The following CALY variants were observed in gnomAD, a reference collection of about 807,000 sequenced individuals.
CALY encodes the protein calcyon neuron specific vesicular protein.
CALY carries 15 observed loss-of-function variants against 20.2 expected under a neutral mutation model. The observed-to-expected ratio is 0.74, with a 90% CI of 0.50 to 1.14. The LOEUF is 1.14. CALY is among the 50% of genes most tolerant of loss of function. CALY has a pLI of 0.00. For synonymous variants in CALY, 129 were observed against 131.8 expected (o/e 0.98, Z 0.15); for missense variants, 270 against 304.4 (o/e 0.89, Z 0.84).
chr10:133,330,904 C>T (rs1032257207), intron 1 of CALY, among the ~76,000 whole-genome samples: 2 of 152,154 alleles, frequency 1.3e-5, no homozygotes, highest in Non-Finnish European at 2.9e-5. Flanking sequence ...GTACACACCA[C>T]TGCGAGGCCC....
chr10:133,330,667 A>G (rs573580187), intron 1 of CALY, among the ~76,000 whole-genome samples: 2 of 144,000 alleles, frequency 1.4e-5, no homozygotes, highest in African/African-American at 5.1e-5. Flanking sequence ...CAAAAAAAAA[A>G]AAAAAAGGAA....
At chr10:133,329,477 C>T (rs1270328450) in intron 1 of CALY, among the ~76,000 whole-genome samples, 1 of 150,848 alleles carries the variant, frequency 6.6e-6, no homozygotes, top group African/African-American at 2.5e-5. Flanking sequence ...GCCTTTGCCT[C>T]CTGAGCTTCA....
At position 133,326,946 on chromosome 10, in the gene CALY, A is replaced by G; in HGVS notation, c.292T>C (p.Cys98Arg). 1 of 1,611,240 alleles carries G rather than the reference A, an allele frequency of 6.2e-7. No homozygotes were observed. Among genetic ancestry groups the G allele is most frequent in the South Asian group, 1.1e-5 (1 of 90,240 alleles). ...ATGGCCTTGTACATGATCAGCACGCAGCCCAGTAGCGCCATGGCGAAGGCG... is the reference window on the plus strand; with the variant it reads ...ATGGCCTTGTACATGATCAGCACGCGGCCCAGTAGCGCCATGGCGAAGGCG... ...MIAFAMALLG[C>R]VLIMYKAIWY... Residue 98 changes from cysteine to arginine, a missense_variant, in exon 4 of 6, where the codon TGC (cysteine) becomes CGC (arginine). Coordinates refer to ENST00000252939, the MANE Select transcript of CALY (RefSeq NM_015722.4).
At chr10:133,334,854 G>A (rs191813437) in intron 1 of CALY, among the ~76,000 whole-genome samples, 2 of 152,186 alleles carry the variant, frequency 1.3e-5, no homozygotes, top group African/African-American at 4.8e-5. Context: ...TGTGTTCATC[G>A]CAGGCGACCC....
intron 1 of CALY, 85 bp from the exon 2 acceptor site, chr10:133,329,094 G>T: frequency 8.2e-7 from 1 of 1,225,602 alleles, no homozygotes; most frequent in Non-Finnish European, 1.1e-6. Context: ...AGGACCCTGA[G>T]CTGGGCCTAA....
chr10:133,327,904 C>T lies in CALY; in HGVS notation c.246+1G>A. 6.2e-7 allele frequency: 1 copy of T among 1,603,658 alleles called. No individual in the cohort carries two copies. The highest frequency in any genetic ancestry group is 1.1e-5 in the South Asian group (1 of 90,244). The stretch of plus-strand genomic sequence containing the variant: ...ACAGTGGGTGGGGTGGGTGTGGTTA[C>T]CCTGCGCCCTTCCTCTGGGTGGCTG... On this transcript the variant is annotated splice_donor_variant, in intron 3 of 5. Coordinates refer to ENST00000252939, the MANE Select transcript of CALY (RefSeq NM_015722.4). LOFTEE classifies it high-confidence loss of function.
chr10:133,331,280 G>A (rs909191422), intron 1 of CALY, among the ~76,000 whole-genome samples: 5 of 152,202 alleles, frequency 3.3e-5, no homozygotes, highest in Non-Finnish European at 7.3e-5. Flanking sequence ...AGCCAATGCT[G>A]TAGGGCAGGA....
chr10:133,329,169 G>C lies in CALY; in HGVS notation c.-20-160C>G, dbSNP rs564440920. ...CAGGCCAGCCTCCTTGGACAAACCG[G>C]TCAAATCCAGCGAGATGCTGGGTGC... On this transcript the variant is annotated intron_variant, in intron 1 of 5. Coordinates refer to ENST00000252939, the MANE Select transcript of CALY (RefSeq NM_015722.4). Among the ~76,000 whole-genome samples, 4 of 152,340 alleles carry C rather than the reference G, an allele frequency of 2.6e-5. No homozygotes were observed. In the East Asian group the frequency reaches 7.7e-4, roughly 29 times the overall value.
intron 1 of CALY, among the ~76,000 whole-genome samples, chr10:133,329,426 G>A (rs958972809): frequency 7.0e-6 from 1 of 143,390 alleles, no homozygotes; most frequent in Non-Finnish European, 1.5e-5. Flanking sequence ...TTGTTTTGTG[G>A]CCCAGGTGGG....
intron 1 of CALY, among the ~76,000 whole-genome samples, chr10:133,331,126 G>C (rs999179645): frequency 6.6e-6 from 1 of 152,126 alleles, no homozygotes; most frequent in Non-Finnish European, 1.5e-5. Context: ...ACTATTCCTC[G>C]GACCCATTAG....
chr10:133,327,369 C>G, intron 3 of CALY: 1 of 501,020 alleles, frequency 2.0e-6, no homozygotes, highest in Middle Eastern at 5.2e-4. Context: ...AGGTGACTGC[C>G]CACAGTGGGT....
intron 1 of CALY, among the ~76,000 whole-genome samples, chr10:133,332,999 A>C (rs940702551): frequency 1.3e-5 from 2 of 151,858 alleles, no homozygotes; most frequent in Non-Finnish European, 2.9e-5. Context: ...ATTTTAAGCC[A>C]CCTGCTTGTA....
chr10:133,335,523 G>A (rs371720757), intron 1 of CALY, among the ~76,000 whole-genome samples: 1 of 152,352 alleles, frequency 6.6e-6, no homozygotes, highest in Admixed American at 6.5e-5. Flanking sequence ...GGAAGAAAAA[G>A]CCATTGGGGG....
chr10:133,330,350 CAAA>C (rs59986083), intron 1 of CALY, among the ~76,000 whole-genome samples: 13,435 of 36,398 alleles, frequency 0.37, 1,376 homozygotes, highest in East Asian at 0.58. Context: ...GAAACTCTGC[CAAA>C]AAAAAAAAAA....
intron 1 of CALY, among the ~76,000 whole-genome samples, chr10:133,332,816 T>C (rs1009873889): frequency 6.6e-6 from 1 of 152,136 alleles, no homozygotes; most frequent in Non-Finnish European, 1.5e-5. Context: ...GAGAGTGTTA[T>C]GTGTAGACGG....
chr10:133,331,482 ATAAAT>A (rs1440389829), intron 1 of CALY, among the ~76,000 whole-genome samples: 1 of 151,970 alleles, frequency 6.6e-6, no homozygotes, highest in Non-Finnish European at 1.5e-5. Flanking sequence ...AGTGGCAAAA[ATAAAT>A]AAATAAATAA....
intron 1 of CALY, among the ~76,000 whole-genome samples, chr10:133,334,835 T>C (rs988625899): frequency 6.6e-6 from 1 of 151,938 alleles, no homozygotes; most frequent in African/African-American, 2.4e-5. Flanking sequence ...CCCGTGCCCC[T>C]CGTTGTTGTG....
intron 1 of CALY, among the ~76,000 whole-genome samples, chr10:133,334,119 G>C (rs202095942): frequency 0.29 from 8,308 of 28,192 alleles, 5 homozygotes; most frequent in Non-Finnish European, 0.33. Flanking sequence ...AGGATCTGAG[G>C]GGGGAAGGCT....
chr10:133,325,958 C>T lies in CALY; in HGVS notation c.523G>A (p.Glu175Lys), dbSNP rs1452065078. 2.0e-6 allele frequency: 3 copies of T among 1,533,312 alleles called. No individual in the cohort carries two copies. The highest frequency in any genetic ancestry group is 4.0e-4 in the Middle Eastern group (2 of 5,026). The allele number at this position is 1,533,312 out of a possible 1,614,324, so 95.0% of individuals were successfully genotyped here. A position where few individuals can be genotyped will look rare whatever the true frequency, so the allele number is the denominator to read the frequency against. Residue 175 changes from glutamate (E) to lysine (K), a missense_variant, in exon 5 of 6, where the codon GAG becomes AAG. Physicochemically the swap from Glu to Lys is moderately conservative, Grantham distance 56. Transcript: ENST00000252939. ...CCAGCCTGGGTGGGCCCCTTGCGCTCCTCCTTGGCTGCGCGGTAGCCGTCC... is the reference window on the plus strand; with the variant it reads ...CCAGCCTGGGTGGGCCCCTTGCGCTTCTCCTTGGCTGCGCGGTAGCCGTCC... Reference protein sequence around the residue: ...WGDGYRAAKEERKGPTQAGAA... With the variant: ...WGDGYRAAKEKRKGPTQAGAA...
Sources: allele counts gnomAD v4.1 joint callset (sites outside exome capture counted in the v4.1 genomes callset), GRCh38; gene constraint gnomAD v4.1.1; transcripts MANE v1.5; gene names NCBI Gene and HGNC (gene_info 2026-07-23, HGNC 2026-07-21).